Variants in P2RY14 observed in about 807,000 individuals in gnomAD.
The protein encoded by P2RY14 is P2Y purinoceptor 14.
In P2RY14, 2 loss-of-function variants were observed where a neutral mutation model predicts 0.9. That is an observed-to-expected ratio of 2.16 (90% CI 0.88 to 6.79). The LOEUF is 6.79. Ranked by LOEUF, P2RY14 falls within the 30% of genes most tolerant of loss-of-function variation. The pLI is 0.05. For missense variants in P2RY14, 378 were observed against 400.1 expected, an observed-to-expected ratio of 0.94 and a Z score of 0.47; for synonymous variants, 158 against 147.2, an observed-to-expected ratio of 1.07 and a Z score of -0.53.
chr3:151,274,106 A>G (rs937667888), intron 1 of P2RY14, among the ~76,000 whole-genome samples: 2 of 152,248 alleles, frequency 1.3e-5, no homozygotes, highest in Non-Finnish European at 2.9e-5. Flanking sequence ...TGGTGCAGAT[A>G]TCTGATGAAC....
At chr3:151,275,162 T>C (rs1243622738) in intron 1 of P2RY14, among the ~76,000 whole-genome samples, 1 of 152,160 alleles carries the variant, frequency 6.6e-6, no homozygotes, top group Non-Finnish European at 1.5e-5. Context: ...AGTGATGTGA[T>C]GAAAATAATT....
At chr3:151,256,815 G>GTTT (rs56702829) in intron 1 of P2RY14, among the ~76,000 whole-genome samples, 1 of 118,612 alleles carries the variant, frequency 8.4e-6, no homozygotes, top group African/African-American at 3.3e-5. Context: ...AATCCAGTCT[G>GTTT]TTTTTTTTTT....
intron 1 of P2RY14, among the ~76,000 whole-genome samples, chr3:151,235,950 T>C (rs191586953): frequency 6.6e-6 from 1 of 152,288 alleles, no homozygotes; most frequent in East Asian, 1.9e-4. Context: ...GTTTAAAATA[T>C]TAGGTTGGTG....
At chr3:151,258,983 G>A (rs957813317) in intron 1 of P2RY14, among the ~76,000 whole-genome samples, 1 of 152,132 alleles carries the variant, frequency 6.6e-6, no homozygotes, top group African/African-American at 2.4e-5. Context: ...GTGAAATGGT[G>A]CTGATAAGTG....
Position 151,214,113 on chromosome 3 carries a change from A to G in P2RY14, c.204T>C (p.Phe68=). 1.2e-6 allele frequency: 2 copies of G among 1,614,146 alleles called. No individual in the cohort carries two copies. The highest frequency in any genetic ancestry group is 1.7e-6 in the Non-Finnish European group (2 of 1,179,990). ...TGAAAGGAAAAGTCAGGCTCATCAC[A>G]AAGTCAGCAATAACAATGTTCTTGA... The part of the protein sequence containing the change: ...IYLKNIVIAD[F]VMSLTFPFKI... Residue 68 remains phenylalanine (F), a synonymous_variant, in exon 3 of 3, where the codon TTT becomes TTC. Transcript: ENST00000309170.
intron 1 of P2RY14, among the ~76,000 whole-genome samples, chr3:151,270,304 A>T (rs576628437): frequency 6.7e-6 from 1 of 149,258 alleles, no homozygotes; most frequent in Non-Finnish European, 1.5e-5. Flanking sequence ...ACAGCTCTCA[A>T]CTTATTTGGG....
At chr3:151,259,644 T>A (rs1430733585) in intron 1 of P2RY14, among the ~76,000 whole-genome samples, 1 of 152,184 alleles carries the variant, frequency 6.6e-6, no homozygotes, top group Admixed American at 6.5e-5. Flanking sequence ...TCAAGATAGG[T>A]AGGTTTTACT....
chr3:151,253,374 C>G (rs146794199), intron 1 of P2RY14, among the ~76,000 whole-genome samples: 30 of 152,356 alleles, frequency 2.0e-4, no homozygotes, highest in African/African-American at 6.5e-4. Flanking sequence ...GCAACAGCAG[C>G]ATAAGATACA....
At chr3:151,230,592 A>T (rs1577047355) in intron 1 of P2RY14, among the ~76,000 whole-genome samples, 1 of 147,138 alleles carries the variant, frequency 6.8e-6, no homozygotes, top group Non-Finnish European at 1.5e-5. Flanking sequence ...TTTTGAATGC[A>T]CTTCCACTTC....
rs1292706420 is a variant in P2RY14, at chr3:151,212,805, GA to G, written c.*494del. 1 of 151,546 alleles carries G rather than the reference GA, an allele frequency of 6.6e-6. No homozygotes were observed. Among genetic ancestry groups the G allele is most frequent in the African/African-American group, 2.4e-5 (1 of 41,198 alleles). The allele number at this position is 151,546 out of a possible 1,614,324, so 9.4% of individuals were successfully genotyped here. A position where few individuals can be genotyped will look rare whatever the true frequency, so the allele number is the denominator to read the frequency against. On this transcript the variant is annotated 3_prime_UTR_variant, in exon 3 of 3. Transcript: ENST00000309170. ...AGCTTTTCCTGCTTCTTCAAATCAG[GA>G]AAAAAACCTGACTTTTTATTGCAAA... is the stretch of plus-strand genomic sequence containing the variant.
intron 1 of P2RY14, among the ~76,000 whole-genome samples, chr3:151,226,746 C>T (rs16863264): frequency 0.31 from 47,494 of 152,024 alleles, 7,464 homozygotes; most frequent in Non-Finnish European, 0.33. Context: ...CCAGATACTG[C>T]GGCATAGAGA....
chr3:151,220,455 GT>G (rs1234376279), intron 1 of P2RY14, among the ~76,000 whole-genome samples: 1 of 152,146 alleles, frequency 6.6e-6, no homozygotes, highest in African/African-American at 2.4e-5. Context: ...TATGTCTGGA[GT>G]TTGGCACGTG....
chr3:151,231,750 G>T (rs1489043382), intron 1 of P2RY14, among the ~76,000 whole-genome samples: 2 of 152,182 alleles, frequency 1.3e-5, no homozygotes, highest in East Asian at 3.8e-4. Flanking sequence ...TCTGAATACA[G>T]ATTCTAGATT....
At chr3:151,239,803 C>T (rs1379146580) in intron 1 of P2RY14, among the ~76,000 whole-genome samples, 2 of 152,086 alleles carry the variant, frequency 1.3e-5, no homozygotes, top group South Asian at 2.1e-4. Flanking sequence ...CACTCCAGCT[C>T]TTAAGCTATT....
At chr3:151,246,596 C>A (rs1183644839) in intron 1 of P2RY14, among the ~76,000 whole-genome samples, 3 of 152,144 alleles carry the variant, frequency 2.0e-5, no homozygotes, top group African/African-American at 7.2e-5. Flanking sequence ...GGATCCCTTT[C>A]TTACACCTTA....
chr3:151,212,133 C>T lies in P2RY14; in HGVS notation c.*1167G>A, dbSNP rs549263414. ...AAAAATAGACAGTATTAAAACATTT[C>T]TTTATTAGTATATAGACAGTAAAGC... On this transcript the variant is annotated 3_prime_UTR_variant, in exon 3 of 3. Coordinates refer to ENST00000309170, the MANE Select transcript of P2RY14 (RefSeq NM_014879.4). The T allele has an allele frequency of 3.9e-5, 6 of 152,218 alleles. No homozygotes were observed. In the East Asian group the frequency reaches 9.6e-4, roughly 24 times the overall value. The allele number at this position is 152,218 out of a possible 1,614,324, so 9.4% of individuals were successfully genotyped here.
chr3:151,258,665 C>T (rs1738279270), intron 1 of P2RY14, among the ~76,000 whole-genome samples: 2 of 152,060 alleles, frequency 1.3e-5, no homozygotes, highest in Non-Finnish European at 2.9e-5. Flanking sequence ...GCCTGATCAA[C>T]ATGGTGAAAC....
Position 151,217,207 on chromosome 3 carries a change from T to C in P2RY14, c.-25+2328A>G, listed in dbSNP as rs1202375655. Reference sequence around the variant, plus strand: ...GAAATATTGTAGAAGCCACTATTTATAGAAATAGTGAATCCCAGAAATGAT... The same window carrying C: ...GAAATATTGTAGAAGCCACTATTTACAGAAATAGTGAATCCCAGAAATGAT... On this transcript the variant is annotated intron_variant, in intron 2 of 2. Transcript: ENST00000309170. Among the ~76,000 whole-genome samples the C allele has an allele frequency of 2.0e-5, 3 of 152,242 alleles. No homozygotes were observed. In the East Asian group the frequency reaches 5.8e-4, roughly 29 times the overall value.
intron 1 of P2RY14, among the ~76,000 whole-genome samples, chr3:151,233,735 AAAAAAC>A (rs746595828): frequency 1.3e-5 from 2 of 152,212 alleles, no homozygotes; most frequent in Non-Finnish European, 2.9e-5. Flanking sequence ...CTCCGTCTCA[AAAAAAC>A]AAAAACAAAA....
Sources: allele counts gnomAD v4.1 joint callset (sites outside exome capture counted in the v4.1 genomes callset), GRCh38; gene constraint gnomAD v4.1.1; transcripts MANE v1.5; gene names NCBI Gene and HGNC (gene_info 2026-07-23, HGNC 2026-07-21).